The following CADPS2 variants were observed in gnomAD, a reference collection of about 807,000 sequenced individuals.
CADPS2 encodes the protein calcium-dependent secretion activator 2.
CADPS2 carries 93 observed loss-of-function variants against 172.5 expected under a neutral mutation model. The observed-to-expected ratio is 0.54, with a 90% CI of 0.46 to 0.64. The LOEUF is 0.64. Among genes scored for constraint, CADPS2 ranks in the 30% least tolerant of loss-of-function variants. The probability of loss-of-function intolerance (pLI) is 0.00; values close to 1 mark genes in which losing one functional copy is unlikely to be tolerated. For synonymous variants in CADPS2, 546 were observed against 555.2 expected (o/e 0.98, Z 0.23); for missense variants, 1,420 against 1,565.9 (o/e 0.91, Z 1.57).
At chr7:122,574,698 T>C (rs956624322) in intron 7 of CADPS2, among the ~76,000 whole-genome samples, 3 of 151,148 alleles carry the variant, frequency 2.0e-5, no homozygotes, top group Non-Finnish European at 4.4e-5. Context: ...AAAAGGAAGA[T>C]AGTAAAGGAA....
intron 2 of CADPS2, among the ~76,000 whole-genome samples, chr7:122,675,616 C>A (rs1286905923): frequency 6.6e-6 from 1 of 152,046 alleles, no homozygotes; most frequent in African/African-American, 2.4e-5. Flanking sequence ...GGCACATATA[C>A]ACCATGGAAT....
chr7:122,786,158 T>G (rs1030775705), intron 1 of CADPS2, among the ~76,000 whole-genome samples: 6 of 152,238 alleles, frequency 3.9e-5, no homozygotes, highest in African/African-American at 1.4e-4. Flanking sequence ...GACTTTTATT[T>G]TCTTATTTCT....
chr7:122,398,921 A>T (rs2045536553), intron 20 of CADPS2, among the ~76,000 whole-genome samples: 1 of 152,060 alleles, frequency 6.6e-6, no homozygotes, highest in African/African-American at 2.4e-5. Flanking sequence ...CTCCAAGAAC[A>T]TCCCATTTAA....
chr7:122,432,256 C>T (rs528563865), intron 17 of CADPS2, among the ~76,000 whole-genome samples: 3 of 152,134 alleles, frequency 2.0e-5, no homozygotes, highest in Non-Finnish European at 4.4e-5. Flanking sequence ...TGCAAGTTAA[C>T]GCTTTTTTTC....
intron 14 of CADPS2, among the ~76,000 whole-genome samples, chr7:122,461,840 C>T (rs1366590964): frequency 3.3e-5 from 5 of 151,962 alleles, no homozygotes; most frequent in African/African-American, 1.2e-4. Flanking sequence ...GTGATCCACC[C>T]GCCTCGGCCT....
At chr7:122,812,381 A>C (rs1179353511) in intron 1 of CADPS2, among the ~76,000 whole-genome samples, 1 of 151,754 alleles carries the variant, frequency 6.6e-6, no homozygotes, top group Non-Finnish European at 1.5e-5. Context: ...TTTAAGGTGG[A>C]AATCATAACC....
chr7:122,590,491 G>T (rs996877511), intron 6 of CADPS2, among the ~76,000 whole-genome samples: 3 of 151,820 alleles, frequency 2.0e-5, no homozygotes, highest in East Asian at 3.9e-4. Flanking sequence ...CCCTTGTATG[G>T]CTGCGCTATA....
chr7:122,544,836 T>C (rs956701409), intron 8 of CADPS2, among the ~76,000 whole-genome samples: 2 of 152,164 alleles, frequency 1.3e-5, no homozygotes, highest in African/African-American at 4.8e-5. Context: ...AGCCTGTTTA[T>C]TGGTTCTATT....
intron 17 of CADPS2, among the ~76,000 whole-genome samples, chr7:122,419,126 G>T (rs868467923): frequency 6.6e-5 from 10 of 152,152 alleles, no homozygotes; most frequent in Non-Finnish European, 1.3e-4. Context: ...TAGTTATCTT[G>T]TGCAGGCTTT....
At chr7:122,504,081 T>C (rs1196128249) in intron 9 of CADPS2, among the ~76,000 whole-genome samples, 1 of 152,158 alleles carries the variant, frequency 6.6e-6, no homozygotes, top group Non-Finnish European at 1.5e-5. Context: ...CCACTTTCAT[T>C]TTCTCCCCTC....
intron 3 of CADPS2, among the ~76,000 whole-genome samples, chr7:122,649,396 C>T (rs1386519276): frequency 6.6e-6 from 1 of 152,158 alleles, no homozygotes; most frequent in African/African-American, 2.4e-5. Flanking sequence ...TAGACTGTTC[C>T]CAGCTTCCCC....
intron 17 of CADPS2, among the ~76,000 whole-genome samples, chr7:122,429,906 C>CT (rs1171839757): frequency 3.3e-5 from 5 of 151,716 alleles, no homozygotes; most frequent in African/African-American, 7.3e-5. Flanking sequence ...AACACGTGGC[C>CT]TCTAGACACA....
At chr7:122,461,969 C>T (rs1430376685) in intron 14 of CADPS2, among the ~76,000 whole-genome samples, 1 of 152,088 alleles carries the variant, frequency 6.6e-6, no homozygotes, top group African/African-American at 2.4e-5. Flanking sequence ...GAGAAAATAA[C>T]CATCAACCTA....
intron 9 of CADPS2, among the ~76,000 whole-genome samples, chr7:122,510,216 C>T (rs2059913794): frequency 6.6e-6 from 1 of 152,006 alleles, no homozygotes; most frequent in Admixed American, 6.6e-5. Flanking sequence ...CAAGCATATT[C>T]TTCGAAATCA....
At chr7:122,885,972 T>C in intron 1 of CADPS2, 27 bp downstream of exon 1, 13 of 1,587,152 alleles carry the variant, frequency 8.2e-6, no homozygotes, top group Non-Finnish European at 1.1e-5. Flanking sequence ...GAAGTGGTGG[T>C]AGGAGGCGCC....
At chr7:122,579,688 TAAAA>T (rs892434091) in intron 7 of CADPS2, among the ~76,000 whole-genome samples, 1 of 151,848 alleles carries the variant, frequency 6.6e-6, no homozygotes, top group African/African-American at 2.4e-5. Flanking sequence ...CCCTGATTAA[TAAAA>T]AGACCATATG....
rs78003272 is a variant in CADPS2, at chr7:122,625,465, T to A, written c.868-3748A>T. ...AGACGTGAATAACATTTACAATCAG[T>A]AAATTCAGTAAATCGGATCACCCTC... On this transcript the variant is annotated intron_variant, in intron 4 of 29. Coordinates refer to ENST00000449022, the MANE Select transcript of CADPS2 (RefSeq NM_017954.11). 7.5e-3 allele frequency among the ~76,000 whole-genome samples: 1,141 copies of A among 152,064 alleles called. 12 individuals are homozygous for A. The highest frequency in any genetic ancestry group is 0.026 in the African/African-American group (1,078 of 41,306).
intron 14 of CADPS2, among the ~76,000 whole-genome samples, chr7:122,469,035 A>T (rs769154452): frequency 3.6e-4 from 55 of 152,364 alleles, no homozygotes; most frequent in Admixed American, 6.5e-4. Flanking sequence ...AATATTAAAG[A>T]TAATATATGC....
chr7:122,429,414 A>C (rs1323630320), intron 17 of CADPS2, among the ~76,000 whole-genome samples: 1 of 151,186 alleles, frequency 6.6e-6, no homozygotes, highest in Non-Finnish European at 1.5e-5. Flanking sequence ...ACCTTGAACA[A>C]ATTTATAATT....
Sources: gnomAD v4.1 joint callset for allele counts (sites outside exome capture counted in the v4.1 genomes callset) on GRCh38, gnomAD v4.1.1 for gene constraint, MANE v1.5 for transcripts, NCBI Gene and HGNC (gene_info 2026-07-23, HGNC 2026-07-21) for gene names.